DNAI7: variants seen among roughly 807,000 people sequenced by gnomAD.
The protein encoded by DNAI7 is dynein axonemal intermediate chain 7.
Under a neutral mutation model 86.6 loss-of-function variants are expected in DNAI7, and 78 were observed. That is an observed-to-expected ratio of 0.90 (90% confidence interval 0.75 to 1.09). The LOEUF (loss-of-function observed/expected upper bound fraction) is 1.09. Among genes scored for constraint, DNAI7 ranks in the 50% least tolerant of loss-of-function variants. The probability of loss-of-function intolerance (pLI) is 0.00; values close to 1 mark genes in which losing one functional copy is unlikely to be tolerated. For synonymous variants in DNAI7, 274 were observed against 273.0 expected, an observed-to-expected ratio of 1.00 and a Z score of -0.04; for missense variants, 753 against 810.2, an observed-to-expected ratio of 0.93 and a Z score of 0.86.
intron 12 of DNAI7, among the ~76,000 whole-genome samples, chr12:25,116,129 C>T (rs1272581906): frequency 6.9e-6 from 1 of 145,774 alleles, no homozygotes; most frequent in Non-Finnish European, 1.5e-5. Flanking sequence ...CTTTATAGGA[C>T]AAATAAATGA....
intron 12 of DNAI7, among the ~76,000 whole-genome samples, chr12:25,118,206 T>C (rs1940565644): frequency 6.6e-6 from 1 of 152,108 alleles, no homozygotes; most frequent in African/African-American, 2.4e-5. Context: ...GTGCTGGGAT[T>C]ACAGGCGTGA....
At chr12:25,182,524 G>C (rs1009995903) in intron 2 of DNAI7, among the ~76,000 whole-genome samples, 4 of 151,512 alleles carry the variant, frequency 2.6e-5, no homozygotes, top group Non-Finnish European at 5.9e-5. Context: ...TGGGAGGATT[G>C]CTTGAGCCTG....
Position 25,195,108 on chromosome 12 carries a change from CAG to C in DNAI7, c.-32_-31del, listed in dbSNP as rs1950942453. 6.2e-7 allele frequency: 1 copy of C among 1,611,970 alleles called. No homozygotes were observed. The highest frequency in any genetic ancestry group is 8.5e-7 in the Non-Finnish European group (1 of 1,178,038). On this transcript the variant is annotated 5_prime_UTR_variant, in exon 1 of 16. Transcript: ENST00000395987. ...AGTCAAGCTCCACTGCAGTAGTCCG[CAG>C]AGTCGGAGCAGAAATTGTGTGGACA...
intron 1 of DNAI7, among the ~76,000 whole-genome samples, chr12:25,193,760 T>C (rs1950753777): frequency 6.6e-6 from 1 of 152,216 alleles, no homozygotes; most frequent in Admixed American, 6.5e-5. Context: ...TTATTAGCAA[T>C]TATAAATTGA....
intron 9 of DNAI7, among the ~76,000 whole-genome samples, chr12:25,135,087 TCA>T (rs1188792584): frequency 6.6e-6 from 1 of 152,048 alleles, no homozygotes; most frequent in Non-Finnish European, 1.5e-5. Flanking sequence ...CGGAAATAAT[TCA>T]CAGACTCTGA....
At chr12:25,154,860 T>C (rs1945968942) in intron 5 of DNAI7, among the ~76,000 whole-genome samples, 1 of 152,236 alleles carries the variant, frequency 6.6e-6, no homozygotes, top group Non-Finnish European at 1.5e-5. Context: ...ATTCATTTTG[T>C]AGTTTATGCA....
chr12:25,142,613 A>G (rs1421043136), intron 9 of DNAI7, among the ~76,000 whole-genome samples: 2 of 152,226 alleles, frequency 1.3e-5, no homozygotes, highest in African/African-American at 4.8e-5. Context: ...AATGCAAGTA[A>G]TAGTTCAAAT....
At chr12:25,135,014 T>G (rs965656962) in intron 9 of DNAI7, among the ~76,000 whole-genome samples, 1 of 152,112 alleles carries the variant, frequency 6.6e-6, no homozygotes, top group African/African-American at 2.4e-5. Flanking sequence ...GAACAGTGAG[T>G]GTATGGAGAC....
At chr12:25,146,245 C>T (rs943961115) in intron 8 of DNAI7, among the ~76,000 whole-genome samples, 1 of 143,378 alleles carries the variant, frequency 7.0e-6, no homozygotes, top group Non-Finnish European at 1.5e-5. Flanking sequence ...AAAAGAAAAC[C>T]TATTATTTTT....
chr12:25,160,776 C>T (rs1169570757), intron 3 of DNAI7, among the ~76,000 whole-genome samples: 1 of 152,126 alleles, frequency 6.6e-6, no homozygotes, highest in Non-Finnish European at 1.5e-5. Flanking sequence ...TTTTGCGGCA[C>T]CAAAACTTTA....
At chr12:25,189,307 G>A (rs1950300088) in intron 2 of DNAI7, among the ~76,000 whole-genome samples, 1 of 152,076 alleles carries the variant, frequency 6.6e-6, no homozygotes, top group African/African-American at 2.4e-5. Context: ...AATGATAAAG[G>A]GTTATAATTG....
intron 9 of DNAI7, among the ~76,000 whole-genome samples, chr12:25,140,202 AGAC>A (rs1944015703): frequency 6.6e-6 from 1 of 152,002 alleles, no homozygotes; most frequent in Non-Finnish European, 1.5e-5. Flanking sequence ...CAGAGCAATC[AGAC>A]AAGATAAAAA....
intron 7 of DNAI7, among the ~76,000 whole-genome samples, chr12:25,148,143 T>G (rs1945097331): frequency 6.6e-6 from 1 of 152,192 alleles, no homozygotes; most frequent in African/African-American, 2.4e-5. Flanking sequence ...CTTTTTGAAG[T>G]GTTCAGGACA....
At chr12:25,191,341 G>T (rs1950497649) in intron 1 of DNAI7, among the ~76,000 whole-genome samples, 1 of 152,060 alleles carries the variant, frequency 6.6e-6, no homozygotes. Flanking sequence ...GGGAGGTCAA[G>T]GCTGCAGCGA....
chr12:25,147,481 C>CCCA (rs1555170123), intron 7 of DNAI7, among the ~76,000 whole-genome samples: 1 of 148,818 alleles, frequency 6.7e-6, no homozygotes, highest in African/African-American at 2.4e-5. Flanking sequence ...ATGAGACCAC[C>CCCA]CCCATCTCTA....
chr12:25,122,170 T>C (rs1480036095), intron 10 of DNAI7, among the ~76,000 whole-genome samples: 1 of 152,096 alleles, frequency 6.6e-6, no homozygotes, highest in African/African-American at 2.4e-5. Context: ...TGTGTTATTA[T>C]TAAAATGAAA....
At chr12:25,141,070 A>G (rs1944133659) in intron 9 of DNAI7, among the ~76,000 whole-genome samples, 1 of 152,234 alleles carries the variant, frequency 6.6e-6, no homozygotes, top group Admixed American at 6.5e-5. Context: ...CTCAAAATGA[A>G]TCAAAGACTT....
intron 9 of DNAI7, among the ~76,000 whole-genome samples, chr12:25,130,858 G>C (rs879593711): frequency 1.3e-5 from 2 of 152,006 alleles, no homozygotes; most frequent in Non-Finnish European, 2.9e-5. Context: ...ACATTTAAAT[G>C]AACTAAAATG....
At chr12:25,108,972 G>GAAA (rs1283162745) in intron 15 of DNAI7, 149 bp from the exon 16 acceptor site, 1 of 539,366 alleles carries the variant, frequency 1.9e-6, no homozygotes, top group Non-Finnish European at 3.2e-6. Context: ...ACTGGGTTTT[G>GAAA]AAAAACCATC....
Sources: allele counts gnomAD v4.1 joint callset (sites outside exome capture counted in the v4.1 genomes callset), GRCh38; gene constraint gnomAD v4.1.1; transcripts MANE v1.5; gene names NCBI Gene and HGNC (gene_info 2026-07-23, HGNC 2026-07-21).